ITPR2: variants seen among roughly 807,000 people sequenced by gnomAD.
ITPR2 encodes the protein inositol 1,4,5-trisphosphate receptor type 2.
ITPR2 carries 207 observed loss-of-function variants against 317.1 expected under a neutral mutation model. The ratio of observed to expected loss-of-function variants is 0.65; its 90% confidence interval spans 0.58 to 0.73. The LOEUF is 0.73. ITPR2 is among the 30% of genes least tolerant of loss of function. The pLI, the probability that ITPR2 is intolerant of heterozygous loss-of-function variation, is 0.00. For missense variants in ITPR2, 2,613 were observed against 3,284.0 expected, an observed-to-expected ratio of 0.80 and a Z score of 4.99; for synonymous variants, 1,156 against 1,149.1, an observed-to-expected ratio of 1.01 and a Z score of -0.12.
chr12:26,465,629 CTT>C (rs1942153172), intron 45 of ITPR2, among the ~76,000 whole-genome samples: 1 of 152,102 alleles, frequency 6.6e-6, no homozygotes, highest in South Asian at 2.1e-4. Flanking sequence ...CTCTCTCTCT[CTT>C]GCTCTGCCAT....
chr12:26,665,843 CA>C, intron 14 of ITPR2, 66 bp downstream of exon 14: 9 of 1,371,498 alleles, frequency 6.6e-6, no homozygotes, highest in East Asian at 2.3e-5. Context: ...ATAACTAATA[CA>C]AGGCCTTTCC....
rs116249987 is a variant in ITPR2 at position 26,343,427 on chromosome 12, T to C, written c.7858-3099A>G. Among the ~76,000 whole-genome samples the C allele has an allele frequency of 2.9e-3, 435 of 152,352 alleles. 2 individuals are homozygous for C. The highest frequency in any genetic ancestry group is 1.0e-2 in the African/African-American group (414 of 41,574). ...AAGTTAGTGTTTAATGGATGCAGAC[T>C]ATTAGCTGGAGAAGATGAGAAATTT... On this transcript the variant is annotated intron_variant, in intron 55 of 56. Transcript: ENST00000381340.
At chr12:26,534,002 G>T (rs61920292) in intron 37 of ITPR2, among the ~76,000 whole-genome samples, 23,254 of 152,050 alleles carry the variant, frequency 0.15, 2,416 homozygotes, top group Non-Finnish European at 0.23. Context: ...ATACAAGTCA[G>T]CCCAGCCTTT....
At position 26,476,927 on chromosome 12, in the gene ITPR2, C is replaced by G. The variant is rs1264047786; in HGVS notation, c.6204G>C (p.Met2068Ile). 6.2e-7 allele frequency: 1 copy of G among 1,612,416 alleles called. No individual in the cohort carries two copies. The highest frequency in any genetic ancestry group is 1.3e-5 in the African/African-American group (1 of 75,014). ...GTTTTCTTACCAGTTCTCTGGGTCT[C>G]ATGTTAAAAAGAATTCTTTCTGCAT... ...SENAERILFN[M>I]RPRELVDVMK... Residue 2068 changes from methionine to isoleucine, a missense_variant, in exon 44 of 57, where the codon ATG becomes ATC. Around this residue, in one of 9 missense-constraint regions of ITPR2, gnomAD observed 926 missense variants for 1,072.8 expected, o/e 0.86. Coordinates refer to ENST00000381340, the MANE Select transcript of ITPR2 (RefSeq NM_002223.4).
intron 45 of ITPR2, among the ~76,000 whole-genome samples, chr12:26,461,627 AATATATATATATAT>A (rs754482854): frequency 0.28 from 13,873 of 48,798 alleles, 1,096 homozygotes; most frequent in Non-Finnish European, 0.38. Context: ...AAAGCATATA[AATATATATATATAT>A]ATATATATAT....
intron 46 of ITPR2, 148 bp downstream of exon 46, chr12:26,443,395 C>G (rs548796389): frequency 3.5e-4 from 186 of 529,884 alleles, no homozygotes; most frequent in Admixed American, 6.8e-4. Context: ...ATAAATCACT[C>G]CTCACTCATC....
At chr12:26,416,903 T>A (rs1161260461) in intron 50 of ITPR2, among the ~76,000 whole-genome samples, 1 of 152,130 alleles carries the variant, frequency 6.6e-6, no homozygotes, top group Non-Finnish European at 1.5e-5. Flanking sequence ...CTAGAGAACG[T>A]TTACAGCTTT....
At chr12:26,373,035 A>C (rs1000843198) in intron 55 of ITPR2, among the ~76,000 whole-genome samples, 2 of 152,202 alleles carry the variant, frequency 1.3e-5, no homozygotes, top group Non-Finnish European at 2.9e-5. Context: ...AATCATGTGG[A>C]CTGCATAACA....
chr12:26,569,894 G>A lies in ITPR2; in HGVS notation c.4631-7942C>T, dbSNP rs148554690. Among the ~76,000 whole-genome samples the A allele has an allele frequency of 9.7e-4, 147 of 152,284 alleles. 1 individual carries two copies. The highest frequency in any genetic ancestry group is 1.7e-3 in the Non-Finnish European group (113 of 68,018). ...CTACAGAGGGCAGCATCCGTCAGAA[G>A]TGAAATAACCCAAAAAGTCTATTCC... On this transcript the variant is annotated intron_variant, in intron 34 of 56. Transcript: ENST00000381340.
intron 2 of ITPR2, among the ~76,000 whole-genome samples, chr12:26,751,579 A>C (rs925776965): frequency 1.3e-5 from 2 of 152,170 alleles, no homozygotes; most frequent in African/African-American, 4.8e-5. Flanking sequence ...TTATATAAAA[A>C]GTTTTACAGG....
chr12:26,665,810 G>A (rs1411788720), intron 14 of ITPR2, 100 bp downstream of exon 14: 3 of 1,047,846 alleles, frequency 2.9e-6, no homozygotes, highest in African/African-American at 1.6e-5. Context: ...TAAGTTTTGG[G>A]ATCATTTGCT....
chr12:26,471,702 G>A (rs770080388), intron 45 of ITPR2, among the ~76,000 whole-genome samples: 14 of 152,196 alleles, frequency 9.2e-5, no homozygotes, highest in Non-Finnish European at 1.5e-4. Context: ...AGAATAAACT[G>A]TCTGCACAAA....
intron 45 of ITPR2, among the ~76,000 whole-genome samples, chr12:26,468,557 A>G (rs200620589): frequency 1.2e-5 from 1 of 82,502 alleles, no homozygotes; most frequent in East Asian, 3.5e-4. Flanking sequence ...CACTGAACAA[A>G]TATAGAAACA....
chr12:26,828,719 A>G (rs182422139), intron 1 of ITPR2, among the ~76,000 whole-genome samples: 1 of 152,324 alleles, frequency 6.6e-6, no homozygotes, highest in African/African-American at 2.4e-5. Context: ...AACCACCCAC[A>G]TGTTAATAAA....
chr12:26,722,505 A>G lies in ITPR2; in HGVS notation c.417T>C (p.Pro139=). Residue 139 remains proline (P), a synonymous_variant, in exon 5 of 57, where the codon CCT becomes CCC. Transcript: ENST00000381340. ...NKYLTVNKRL[P]ALLEKNAMRV... is the part of the protein sequence containing the mutation. ...GCATGGCATTCTTCTCCAGTAAAGC[A>G]GGTAATCTCTTGTTGACAGTAAGAT... is the stretch of plus-strand genomic sequence containing the variant. 6.2e-7 allele frequency: 1 copy of G among 1,613,288 alleles called. No homozygotes were observed. The highest frequency in any genetic ancestry group is 8.5e-7 in the Non-Finnish European group (1 of 1,179,434).
intron 1 of ITPR2, among the ~76,000 whole-genome samples, chr12:26,790,586 TACACAC>T (rs10527860): frequency 4.5e-4 from 66 of 147,818 alleles, no homozygotes; most frequent in South Asian, 1.7e-3. Flanking sequence ...CATATATGCT[TACACAC>T]ACACACACAC....
chr12:26,608,646 C>G (rs1022664330), intron 26 of ITPR2, among the ~76,000 whole-genome samples: 4 of 151,794 alleles, frequency 2.6e-5, no homozygotes, highest in African/African-American at 9.7e-5. Context: ...CTGCCTGGCC[C>G]GCCCCACAGT....
At position 26,622,575 on chromosome 12, in the gene ITPR2, C is replaced by A. The variant is rs551596344; in HGVS notation, c.3123-170G>T. On this transcript the variant is annotated intron_variant, in intron 24 of 56. Transcript: ENST00000381340. Reference sequence around the variant, plus strand: ...CTCATGTAACTGATGAGGAAACAATCATAAAGAAAAGCTTGTGTCTGTCCA... The same window carrying A: ...CTCATGTAACTGATGAGGAAACAATAATAAAGAAAAGCTTGTGTCTGTCCA... 3.3e-5 allele frequency among the ~76,000 whole-genome samples: 5 copies of A among 152,242 alleles called. No homozygotes were observed. The South Asian group carries it at 1.0e-3, about 32-fold the overall frequency.
At chr12:26,355,870 A>C (rs1938622861) in intron 55 of ITPR2, among the ~76,000 whole-genome samples, 2 of 152,170 alleles carry the variant, frequency 1.3e-5, no homozygotes, top group Admixed American at 1.3e-4. Context: ...GGCCTAACAA[A>C]AAATTCAAAG....
Sources: allele counts gnomAD v4.1 joint callset (sites outside exome capture counted in the v4.1 genomes callset), GRCh38; gene constraint gnomAD v4.1.1; regional missense constraint gnomAD v4.1.1; transcripts MANE v1.5; gene names NCBI Gene and HGNC (gene_info 2026-07-23, HGNC 2026-07-21).